SLC3A2: variants seen among roughly 807,000 people sequenced by gnomAD.
SLC3A2 encodes amino acid transporter heavy chain SLC3A2.
A neutral mutation model predicts 48.5 loss-of-function variants in SLC3A2; 32 were observed. The observed-to-expected ratio is 0.66, with a 90% confidence interval of 0.50 to 0.89. SLC3A2 has a LOEUF of 0.89. SLC3A2 is among the 40% of genes least tolerant of loss of function. The pLI, the probability that SLC3A2 is intolerant of heterozygous loss-of-function variation, is 0.00. For synonymous variants in SLC3A2, 277 were observed against 288.8 expected, an observed-to-expected ratio of 0.96 and a Z score of 0.41; for missense variants, 587 against 680.7, an observed-to-expected ratio of 0.86 and a Z score of 1.53.
chr11:62,864,549 C>T (rs2085432950), intron 1 of SLC3A2, among the ~76,000 whole-genome samples: 1 of 152,012 alleles, frequency 6.6e-6, no homozygotes, highest in Non-Finnish European at 1.5e-5. Flanking sequence ...TCACTGCAAG[C>T]TCCACCTCCC....
At chr11:62,868,213 C>T (rs756753551) in intron 1 of SLC3A2, among the ~76,000 whole-genome samples, 9 of 151,796 alleles carry the variant, frequency 5.9e-5, no homozygotes, top group South Asian at 2.1e-4. Flanking sequence ...TGAGCCACCA[C>T]GCCTGGCCTA....
chr11:62,884,975 A>G (rs930445266), intron 5 of SLC3A2, among the ~76,000 whole-genome samples: 5 of 150,706 alleles, frequency 3.3e-5, no homozygotes, highest in Non-Finnish European at 4.4e-5. Flanking sequence ...GGGATTACAG[A>G]CGCGGGCCAC....
At chr11:62,857,913 GAA>G (rs2085356640) in intron 1 of SLC3A2, among the ~76,000 whole-genome samples, 2 of 151,978 alleles carry the variant, frequency 1.3e-5, no homozygotes, top group African/African-American at 4.8e-5. Flanking sequence ...GAAAAAGAAG[GAA>G]GTGTGTAGCT....
At chr11:62,882,364 G>T (rs539545729) in intron 2 of SLC3A2, 23 of 242,370 alleles carry the variant, frequency 9.5e-5, no homozygotes, top group South Asian at 1.8e-4. Flanking sequence ...GGTTTTTTTG[G>T]GGGGGGGGAA....
intron 1 of SLC3A2, among the ~76,000 whole-genome samples, chr11:62,874,923 C>T (rs551185342): frequency 2.6e-5 from 4 of 152,054 alleles, no homozygotes; most frequent in South Asian, 4.2e-4. Flanking sequence ...CCATCGTGTG[C>T]GACTAATTTT....
In SLC3A2 at chr11:62,888,374, G is replaced by T; in HGVS notation, c.1271G>T (p.Arg424Leu). Residue 424 changes from arginine to leucine, a missense_variant, in exon 9 of 9, where the codon CGG (arginine) becomes CTG (leucine). Arg to Leu is a moderately radical substitution (Grantham distance 102). Transcript: ENST00000338663. The part of the protein sequence containing the change: ...DPGSLLSLFR[R>L]LSDQRSKERS... ...GGCTCCCTCCTTTCCTTGTTCCGGC[G>T]GCTGAGTGACCAGCGGAGTAAGGAG... 1.9e-6 allele frequency: 3 copies of T among 1,614,186 alleles called. No individual in the cohort carries two copies. In the South Asian group the frequency reaches 3.3e-5, roughly 18 times the overall value.
chr11:62,867,115 T>G (rs2085460630), intron 1 of SLC3A2, among the ~76,000 whole-genome samples: 1 of 150,862 alleles, frequency 6.6e-6, no homozygotes, highest in African/African-American at 2.4e-5. Flanking sequence ...CTCAGCCTCC[T>G]GAGTAGCTGG....
intron 8 of SLC3A2, 22 bp from the exon 9 acceptor site, chr11:62,888,309 G>T (rs751581911): frequency 6.2e-7 from 1 of 1,611,810 alleles, no homozygotes; most frequent in African/African-American, 1.3e-5. Context: ...ACACGCTTCT[G>T]CTATGTTTTT....
Position 62,881,032 on chromosome 11 carries a change from G to A in SLC3A2, c.9G>A (p.Gln3=). The change falls in exon 1 of 9, where the codon CAG becomes CAA. Residue 3 remains glutamine (Q), a synonymous_variant. Transcript: ENST00000338663. The surrounding 1 kb of genome is among the most constrained non-coding windows in gnomAD (Gnocchi z 4.0). ...CCGGTTCTGCAGGCACCATGAGCCA[G>A]GACACCGAGGTGGATATGAAGGAGG... The part of the protein sequence containing the change: MS[Q]DTEVDMKEVE... The A allele has an allele frequency of 6.4e-7, 1 of 1,571,080 alleles. No homozygotes were observed. Among genetic ancestry groups the A allele is most frequent in the Non-Finnish European group, 8.7e-7 (1 of 1,155,494 alleles).
chr11:62,873,969 ATTTTTTTTTTTTTTTTTTTT>A (rs573491653), intron 1 of SLC3A2, among the ~76,000 whole-genome samples: 101 of 38,900 alleles, frequency 2.6e-3, no homozygotes, highest in African/African-American at 8.5e-3. Flanking sequence ...TGCCCAGCTA[ATTTTTTTTTTTTTTTTTTTT>A]TTTTTTTTTT....
chr11:62,857,209 C>A (rs1184576746), intron 1 of SLC3A2, among the ~76,000 whole-genome samples: 1 of 152,162 alleles, frequency 6.6e-6, no homozygotes, highest in Non-Finnish European at 1.5e-5. Flanking sequence ...GCAACCTCCG[C>A]TTCCCAGGTT....
intron 1 of SLC3A2, among the ~76,000 whole-genome samples, chr11:62,858,196 AAG>A (rs771605975): frequency 6.6e-6 from 1 of 152,156 alleles, no homozygotes; most frequent in Non-Finnish European, 1.5e-5. Flanking sequence ...GGAAGTGGAA[AAG>A]AGGGGATTTA....
chr11:62,879,927 C>G (rs3809075), upstream of SLC3A2, among the ~76,000 whole-genome samples: 2 of 152,140 alleles, frequency 1.3e-5, no homozygotes, highest in South Asian at 4.1e-4. Flanking sequence ...GCCTCCAAGG[C>G]CTAACATAGT....
At chr11:62,868,687 C>T (rs902744786) in intron 1 of SLC3A2, among the ~76,000 whole-genome samples, 5 of 151,932 alleles carry the variant, frequency 3.3e-5, no homozygotes, top group African/African-American at 7.3e-5. Flanking sequence ...ATTCTATAGG[C>T]GGTTGCAAAT....
At chr11:62,867,322 CTTTTTTTTTTT>C (rs56758000) in intron 1 of SLC3A2, among the ~76,000 whole-genome samples, 9,880 of 68,276 alleles carry the variant, frequency 0.14, 492 homozygotes, top group East Asian at 0.26. Flanking sequence ...CTTTTCTTTT[CTTTTTTTTTTT>C]TTTTTTTTTT....
At position 62,881,727 on chromosome 11, in the gene SLC3A2, C is replaced by A; in HGVS notation, c.425-166C>A. 1.2e-6 allele frequency: 1 copy of A among 861,274 alleles called. No homozygotes were observed. Among genetic ancestry groups the A allele is most frequent in the Non-Finnish European group, 1.8e-6 (1 of 571,038 alleles). The allele number at this position is 861,274 out of a possible 1,614,324, so 53.4% of individuals were successfully genotyped here. On this transcript the variant is annotated intron_variant, in intron 1 of 8. Coordinates refer to ENST00000338663, the MANE Select transcript of SLC3A2 (RefSeq NM_001013251.3). This position sits in a 1 kb window ranked among gnomAD's most constrained non-coding sequence, Gnocchi z 4.0. ...TGCAACCGGTTTCTGAAGTAATGTG[C>A]AGGACTCCTTACATCAGCTCCTCTG...
chr11:62,875,061 C>T (rs984923339), intron 1 of SLC3A2, among the ~76,000 whole-genome samples: 1 of 152,136 alleles, frequency 6.6e-6, no homozygotes, highest in South Asian at 2.1e-4. Flanking sequence ...CCACACTGGC[C>T]TCATTTTTCA....
At chr11:62,872,384 A>G (rs2085527178) in intron 1 of SLC3A2, among the ~76,000 whole-genome samples, 1 of 152,200 alleles carries the variant, frequency 6.6e-6, no homozygotes, top group Non-Finnish European at 1.5e-5. Context: ...GCATGGTTGC[A>G]TGCTCCTGTA....
At chr11:62,882,822 A>G (rs2085659871) in intron 2 of SLC3A2, 86 bp from the exon 3 acceptor site, 3 of 1,123,780 alleles carry the variant, frequency 2.7e-6, no homozygotes, top group Non-Finnish European at 4.1e-6. Flanking sequence ...TACATAGGAA[A>G]CACTCAGTGA....
Sources: allele counts gnomAD v4.1 joint callset (sites outside exome capture counted in the v4.1 genomes callset), GRCh38; gene constraint gnomAD v4.1.1; non-coding constraint Gnocchi (gnomAD v3.1); transcripts MANE v1.5; gene names NCBI Gene and HGNC (gene_info 2026-07-23, HGNC 2026-07-21).